UVSSA: variants seen among roughly 807,000 people sequenced by gnomAD.
The protein encoded by UVSSA is UV stimulated scaffold protein A.
A neutral mutation model predicts 73.9 loss-of-function variants in UVSSA; 72 were observed. That is an observed-to-expected ratio of 0.97 (90% CI 0.81 to 1.19). The LOEUF (loss-of-function observed/expected upper bound fraction) is 1.19. UVSSA is among the 50% of genes most tolerant of loss of function. The pLI, the probability that UVSSA is intolerant of heterozygous loss-of-function variation, is 0.00. For synonymous variants in UVSSA, 454 were observed against 391.3 expected, an observed-to-expected ratio of 1.16 and a Z score of -1.89; for missense variants, 1,150 against 965.0, an observed-to-expected ratio of 1.19 and a Z score of -2.54.
chr4:1,374,035 T>C (rs1365881292), intron 8 of UVSSA, among the ~76,000 whole-genome samples: 1 of 152,218 alleles, frequency 6.6e-6, no homozygotes, highest in Non-Finnish European at 1.5e-5. Flanking sequence ...TCCTGTGGAT[T>C]CTGCCGCAGC....
rs548572482 is a variant in UVSSA at position 1,353,014 on chromosome 4, C to T, written c.551-16C>T. The T allele has an allele frequency of 6.3e-7, 1 of 1,598,136 alleles. No individual in the cohort carries two copies. The highest frequency in any genetic ancestry group is 1.3e-5 in the African/African-American group (1 of 74,750). The stretch of plus-strand genomic sequence containing the variant: ...TCCACATAGCGCAGCAAACAGGTGT[C>T]TTGATCTTCCGGCAGAAATGTCTGG... On this transcript the variant is annotated splice_polypyrimidine_tract_variant and intron_variant, in intron 4 of 13. Coordinates refer to ENST00000389851, the MANE Select transcript of UVSSA (RefSeq NM_020894.4).
intron 8 of UVSSA, among the ~76,000 whole-genome samples, chr4:1,366,912 T>C (rs1423453148): frequency 6.6e-6 from 1 of 152,102 alleles, no homozygotes; most frequent in African/African-American, 2.4e-5. Flanking sequence ...CTCACGAGGG[T>C]GGGCTCTCGT....
upstream of UVSSA, among the ~76,000 whole-genome samples, chr4:1,343,997 A>AT (rs913292032): frequency 6.7e-6 from 1 of 149,808 alleles, no homozygotes; most frequent in Non-Finnish European, 1.5e-5. Context: ...GATTGACAGT[A>AT]TTTTTTCTTT....
chr4:1,380,988 G>C lies in UVSSA; in HGVS notation c.1861G>C (p.Glu621Gln). The C allele has an allele frequency of 6.2e-7, 1 of 1,611,674 alleles. No individual in the cohort carries two copies. Among genetic ancestry groups the C allele is most frequent in the East Asian group, 2.2e-5 (1 of 44,860 alleles). ...RRQLQKQERP[E>Q]WQDPELMRDV... ...GCAGCTGCAGAAGCAGGAGCGCCCG[G>C]GTAGGTCTGGGCAAGGCGGTCACCG... Residue 621 changes from glutamate (E) to glutamine (Q), a missense_variant and splice_region_variant, in exon 12 of 14, where the codon GAA becomes CAA. By Grantham distance (29) the Glu-to-Gln change is conservative. Transcript: ENST00000389851.
Position 1,380,106 on chromosome 4 carries a change from C to T in UVSSA, c.1628C>T (p.Ala543Val). Residue 543 changes from alanine (A) to valine (V), a missense_variant, in exon 11 of 14, where the codon GCC (alanine) becomes GTC (valine). Coordinates refer to ENST00000389851, the MANE Select transcript of UVSSA (RefSeq NM_020894.4). Reference sequence around the variant, plus strand: ...GAGGTGGAGGAGGAAGTGGTCAATGCCGACATCTCCGAGATGCTCCGGAGC... The same window carrying T: ...GAGGTGGAGGAGGAAGTGGTCAATGTCGACATCTCCGAGATGCTCCGGAGC... ...PSEVEEEVVN[A>V]DISEMLRSRH... 6.2e-7 allele frequency: 1 copy of T among 1,612,604 alleles called. No individual in the cohort carries two copies. Among genetic ancestry groups the T allele is most frequent in the Non-Finnish European group, 8.5e-7 (1 of 1,179,748 alleles).
At chr4:1,375,574 C>T (rs533166305) in intron 9 of UVSSA, 66 bp downstream of exon 9, 3 of 1,559,058 alleles carry the variant, frequency 1.9e-6, no homozygotes, top group South Asian at 2.3e-5. Context: ...GCCCAGAGCA[C>T]TGGCCGGCCT....
Position 1,395,064 on chromosome 4 carries a change from T to C in UVSSA, c.*9103T>C, listed in dbSNP as rs148086093. 164 of 1,264,614 alleles carry C rather than the reference T, an allele frequency of 1.3e-4. 12 individuals are homozygous for C. The highest frequency in any genetic ancestry group is 3.6e-4 in the African/African-American group (21 of 57,610). 78.3% of individuals were successfully genotyped at this position (1,264,614 alleles called of 1,614,324 possible). On this transcript the variant is annotated 3_prime_UTR_variant, in exon 14 of 14. Transcript: ENST00000511216. The stretch of plus-strand genomic sequence containing the variant: ...GCCCGCCTGCTCACACGTGCCAACG[T>C]GGAGTGCCCGCCTGATCACACGTGC...
intron 2 of UVSSA, 80 bp downstream of exon 2, chr4:1,348,269 C>T: frequency 1.8e-6 from 2 of 1,133,946 alleles, no homozygotes; most frequent in South Asian, 1.3e-5. Context: ...CTCCTGCCCC[C>T]ACCTGGGAGA....
chr4:1,349,191 G>A (rs1166836491), intron 2 of UVSSA, among the ~76,000 whole-genome samples: 1 of 152,252 alleles, frequency 6.6e-6, no homozygotes, highest in Non-Finnish European at 1.5e-5. Flanking sequence ...AGCTGTAGAT[G>A]ATGTAGGTGG....
At chr4:1,390,563 C>T (rs1260769016), downstream of UVSSA, 1 of 152,262 alleles carries the variant, frequency 6.6e-6, no homozygotes, top group Non-Finnish European at 1.5e-5. Flanking sequence ...GGATTACAAG[C>T]ATGAGCTACC....
At chr4:1,379,402 C>A (rs973492750) in intron 10 of UVSSA, among the ~76,000 whole-genome samples, 4 of 152,228 alleles carry the variant, frequency 2.6e-5, no homozygotes, top group South Asian at 4.1e-4. Context: ...CACACCCAGC[C>A]CCCCCATCCC....
In UVSSA at chr4:1,349,566, A is replaced by G; in HGVS notation, c.141A>G (p.Ile47Met). The G allele has an allele frequency of 6.2e-7, 1 of 1,613,972 alleles. No individual in the cohort carries two copies. Among genetic ancestry groups the G allele is most frequent in the South Asian group, 1.1e-5 (1 of 91,080 alleles). The change falls in exon 3 of 14, where the codon ATA becomes ATG. Residue 47 changes from isoleucine (I) to methionine (M), a missense_variant. By Grantham distance (10) the Ile-to-Met change is conservative. Transcript: ENST00000389851. ...TGAGCCGCGCCTACCGCCTGCTGATAGCACAGCTGACCCAGGAGCACGCCG... is the reference window on the plus strand; with the variant it reads ...TGAGCCGCGCCTACCGCCTGCTGATGGCACAGCTGACCCAGGAGCACGCCG... The part of the protein sequence containing the change: ...EQLSRAYRLL[I>M]AQLTQEHAEI...
At chr4:1,367,184 C>T (rs1276862226) in intron 8 of UVSSA, among the ~76,000 whole-genome samples, 2 of 152,174 alleles carry the variant, frequency 1.3e-5, no homozygotes, top group South Asian at 2.1e-4. Flanking sequence ...CAGCCTGTGC[C>T]GTGGAGGGCT....
rs566067580 is a variant in UVSSA, at chr4:1,353,455, G to A, written c.934+42G>A. 5.9e-4 allele frequency: 849 copies of A among 1,441,930 alleles called. 4 individuals are homozygous for A. The highest frequency in any genetic ancestry group is 4.3e-3 in the South Asian group (291 of 67,176). The allele number at this position is 1,441,930 out of a possible 1,614,324, so 89.3% of individuals were successfully genotyped here. ...GGTCTCTGTGGCGCCACCCTGCCCCGGCTCCCGGGTAGGCTCCTCCCTCAC... is the reference window on the plus strand; with the variant it reads ...GGTCTCTGTGGCGCCACCCTGCCCCAGCTCCCGGGTAGGCTCCTCCCTCAC... On this transcript the variant is annotated intron_variant, in intron 5 of 13. Transcript: ENST00000389851.
At chr4:1,347,035 GC>G (rs1713783326), upstream of UVSSA, among the ~76,000 whole-genome samples, 4 of 152,190 alleles carry the variant, frequency 2.6e-5, no homozygotes, top group South Asian at 8.3e-4. Flanking sequence ...AGGGGGCGGG[GC>G]CTTGACCGGA....
rs112783887 is a variant in UVSSA at position 1,355,653 on chromosome 4, C to T, written c.1176+408C>T. On this transcript the variant is annotated intron_variant, in intron 7 of 13. Coordinates refer to ENST00000389851, the MANE Select transcript of UVSSA (RefSeq NM_020894.4). Reference sequence around the variant, plus strand: ...ACCCTCAGACGGCCAGGAGGGTCAGCGCGGGCACTGGTGCCCACTTGGGGT... The same window carrying T: ...ACCCTCAGACGGCCAGGAGGGTCAGTGCGGGCACTGGTGCCCACTTGGGGT... 6.6e-3 allele frequency among the ~76,000 whole-genome samples: 1,008 copies of T among 152,280 alleles called. 9 individuals are homozygous for T. The highest frequency in any genetic ancestry group is 0.023 in the African/African-American group (957 of 41,548).
exon 14 of UVSSA, chr4:1,393,579 TAGA>T (rs925872026): frequency 4.4e-5 from 4 of 90,498 alleles, no homozygotes; most frequent in African/African-American, 1.8e-4. Flanking sequence ...ATAGATTAGA[TAGA>T]TAGATAGATA....
chr4:1,367,566 C>G (rs1039731155), intron 8 of UVSSA, among the ~76,000 whole-genome samples: 1 of 152,082 alleles, frequency 6.6e-6, no homozygotes, highest in Non-Finnish European at 1.5e-5. Context: ...GCCCTGGGGC[C>G]GCCCAGGGAG....
chr4:1,361,594 A>G (rs1376566340), intron 7 of UVSSA, among the ~76,000 whole-genome samples: 1 of 152,200 alleles, frequency 6.6e-6, no homozygotes, highest in East Asian at 1.9e-4. Context: ...TCAGCCCTGC[A>G]CCGCTCCGCC....
Sources: gnomAD v4.1 joint callset for allele counts (sites outside exome capture counted in the v4.1 genomes callset) on GRCh38, gnomAD v4.1.1 for gene constraint, MANE v1.5 for transcripts, NCBI Gene and HGNC (gene_info 2026-07-23, HGNC 2026-07-21) for gene names.